The following MACROD2 variants were observed in gnomAD, a reference collection of about 807,000 sequenced individuals.
MACROD2 encodes the protein ADP-ribose glycohydrolase MACROD2.
MACROD2 carries 36 observed loss-of-function variants against 70.4 expected under a neutral mutation model. That is an observed-to-expected ratio of 0.51 (90% CI 0.39 to 0.68). The LOEUF is 0.68. Ranked by LOEUF, MACROD2 falls within the 30% of genes least tolerant of loss-of-function variation. MACROD2 has a pLI of 0.00. For missense variants in MACROD2, 496 were observed against 538.4 expected (o/e 0.92, Z 0.78); for synonymous variants, 172 against 178.8 (o/e 0.96, Z 0.30).
intron 4 of MACROD2, among the ~76,000 whole-genome samples, chr20:14,541,598 T>TCA (rs139991575): frequency 0.03 from 4,562 of 150,276 alleles, 102 homozygotes; most frequent in African/African-American, 0.055. Context: ...ACAGCACACA[T>TCA]CACACACACA....
chr20:15,262,082 A>G (rs112542607), intron 6 of MACROD2, among the ~76,000 whole-genome samples: 1,976 of 152,058 alleles, frequency 0.013, 40 homozygotes, highest in African/African-American at 0.043. Context: ...TTATTTAAAA[A>G]TGTATAATAA....
chr20:15,318,991 A>G (rs2077844431), intron 6 of MACROD2, among the ~76,000 whole-genome samples: 1 of 152,178 alleles, frequency 6.6e-6, no homozygotes, highest in South Asian at 2.1e-4. Flanking sequence ...AATAAGGAGC[A>G]TTAAAATTGG....
intron 3 of MACROD2, among the ~76,000 whole-genome samples, chr20:14,233,810 C>T (rs1378918379): frequency 6.6e-6 from 1 of 151,352 alleles, no homozygotes; most frequent in Non-Finnish European, 1.5e-5. Context: ...GTCTTAAAAG[C>T]CTTTATATAC....
At chr20:15,467,105 G>A (rs2046902618) in intron 7 of MACROD2, among the ~76,000 whole-genome samples, 1 of 152,168 alleles carries the variant, frequency 6.6e-6, no homozygotes, top group South Asian at 2.1e-4. Context: ...GCATTCTCTG[G>A]CTGCTGGAAC....
intron 4 of MACROD2, among the ~76,000 whole-genome samples, chr20:14,653,104 G>T (rs1371678531): frequency 6.6e-6 from 1 of 151,914 alleles, no homozygotes; most frequent in African/African-American, 2.4e-5. Context: ...AGGCTGGAGT[G>T]CAATGGCGTG....
chr20:15,061,455 C>T (rs56330183), intron 5 of MACROD2, among the ~76,000 whole-genome samples: 10,555 of 152,194 alleles, frequency 0.069, 398 homozygotes, highest in Middle Eastern at 0.17. Context: ...GCTCTAGTAG[C>T]CTGCAGTGGT....
chr20:16,045,265 A>T (rs1193302470), intron 17 of MACROD2, among the ~76,000 whole-genome samples: 1 of 152,166 alleles, frequency 6.6e-6, no homozygotes, highest in Non-Finnish European at 1.5e-5. Flanking sequence ...CCTGGTCCAG[A>T]TCATGTTTAG....
At chr20:14,050,128 G>A (rs923219326) in intron 2 of MACROD2, among the ~76,000 whole-genome samples, 2 of 151,374 alleles carry the variant, frequency 1.3e-5, no homozygotes, top group Non-Finnish European at 2.9e-5. Flanking sequence ...TGTAGTAGCT[G>A]GATACTTCCC....
At chr20:14,604,299 A>G (rs1239317196) in intron 4 of MACROD2, among the ~76,000 whole-genome samples, 3 of 152,094 alleles carry the variant, frequency 2.0e-5, no homozygotes, top group Admixed American at 6.6e-5. Context: ...GGCTCCTACT[A>G]TTGCTTCCAA....
intron 10 of MACROD2, among the ~76,000 whole-genome samples, chr20:15,889,192 A>G (rs1165828476): frequency 1.3e-5 from 2 of 152,068 alleles, no homozygotes; most frequent in African/African-American, 4.8e-5. Context: ...GGTCTTTTTC[A>G]AGCTTCCAAA....
intron 6 of MACROD2, among the ~76,000 whole-genome samples, chr20:15,389,596 G>A (rs2045765412): frequency 6.6e-6 from 1 of 152,200 alleles, no homozygotes; most frequent in Non-Finnish European, 1.5e-5. Context: ...AGAAAAGTGT[G>A]AATATTTTTA....
chr20:15,335,522 T>C (rs1477463555), intron 6 of MACROD2, among the ~76,000 whole-genome samples: 1 of 151,626 alleles, frequency 6.6e-6, no homozygotes, highest in Non-Finnish European at 1.5e-5. Flanking sequence ...TATTGTTTTG[T>C]GTTAATTCTG....
chr20:15,461,328 C>T (rs967685930), intron 7 of MACROD2, among the ~76,000 whole-genome samples: 7 of 152,072 alleles, frequency 4.6e-5, no homozygotes, highest in African/African-American at 1.7e-4. Flanking sequence ...TCTTTCTACT[C>T]CTGCCAGAAA....
intron 2 of MACROD2, among the ~76,000 whole-genome samples, chr20:14,083,116 C>G (rs1688332451): frequency 1.2e-5 from 1 of 84,258 alleles, no homozygotes. Context: ...TATTTGTCAC[C>G]TTTGTAAAAA....
chr20:14,482,161 A>G (rs995707359), intron 3 of MACROD2, among the ~76,000 whole-genome samples: 3 of 151,972 alleles, frequency 2.0e-5, no homozygotes, highest in East Asian at 3.9e-4. Flanking sequence ...GTTAGGGTGA[A>G]TGCAGAGCCA....
intron 8 of MACROD2, among the ~76,000 whole-genome samples, chr20:15,521,769 T>A (rs2047656012): frequency 6.6e-6 from 1 of 152,176 alleles, no homozygotes; most frequent in Non-Finnish European, 1.5e-5. Context: ...TTAAAGAAGC[T>A]AACACAGCTC....
At chr20:15,176,952 C>A (rs926262161) in intron 5 of MACROD2, among the ~76,000 whole-genome samples, 7 of 152,192 alleles carry the variant, frequency 4.6e-5, no homozygotes, top group Non-Finnish European at 1.0e-4. Context: ...GTACACACAG[C>A]AGAAGCTGTG....
At chr20:15,704,268 T>C (rs1449046323) in intron 8 of MACROD2, among the ~76,000 whole-genome samples, 6 of 152,194 alleles carry the variant, frequency 3.9e-5, no homozygotes, top group African/African-American at 1.4e-4. Context: ...CATCTTCCAT[T>C]GTTCTCCTGT....
chr20:15,904,737 C>T (rs1009184409), intron 10 of MACROD2, among the ~76,000 whole-genome samples: 3 of 151,836 alleles, frequency 2.0e-5, no homozygotes, highest in Non-Finnish European at 2.9e-5. Context: ...AAAAATTAGC[C>T]GGGCGTGGTG....
Sources: allele counts gnomAD v4.1 joint callset (sites outside exome capture counted in the v4.1 genomes callset), GRCh38; gene constraint gnomAD v4.1.1; transcripts MANE v1.5; gene names NCBI Gene and HGNC (gene_info 2026-07-23, HGNC 2026-07-21).